Variants in UGT1A6 observed in about 807,000 individuals in gnomAD.
UGT1A6 encodes UDP glucuronosyltransferase family 1 member A6.
A neutral mutation model predicts 44.4 loss-of-function variants in UGT1A6; 32 were observed. The observed-to-expected ratio is 0.72, with a 90% CI of 0.54 to 0.97. The LOEUF is 0.97. Ranked by LOEUF, UGT1A6 falls within the 50% of genes least tolerant of loss-of-function variation. The pLI is 0.00. For synonymous variants in UGT1A6, 238 were observed against 248.5 expected (o/e 0.96, Z 0.40); for missense variants, 685 against 661.9 (o/e 1.03, Z -0.38).
chr2:233,772,436 T>G lies in UGT1A6; in HGVS notation c.1476T>G (p.Gly492=). 6.2e-7 allele frequency: 1 copy of G among 1,614,180 alleles called. No individual in the cohort carries two copies. Among genetic ancestry groups the G allele is most frequent in the Non-Finnish European group, 8.5e-7 (1 of 1,180,036 alleles). Residue 492 remains glycine, a synonymous_variant, in exon 5 of 5, where the codon GGT becomes GGG. Coordinates refer to ENST00000305139, the MANE Select transcript of UGT1A6 (RefSeq NM_001072.4). ...AGTACCATTCCTTGGACGTGATTGGTTTCCTCTTGGCCGTCGTGCTGACAG... is the reference window on the plus strand; with the variant it reads ...AGTACCATTCCTTGGACGTGATTGGGTTCCTCTTGGCCGTCGTGCTGACAG... ...WYQYHSLDVI[G]FLLAVVLTVA...
At chr2:233,759,599 A>ACC (rs1553620419) in intron 1 of UGT1A6, among the ~76,000 whole-genome samples, 7 of 108,662 alleles carry the variant, frequency 6.4e-5, no homozygotes, top group Admixed American at 1.0e-4. Context: ...CCCACCCCCG[A>ACC]CCCGCCCCAC....
Position 233,772,785 on chromosome 2 carries a change from G to C in UGT1A6, c.*226G>C, listed in dbSNP as rs2126067599. ...GTGCCCCCTCTGGTGTCTTTGATCA[G>C]GATGACATGTGCCATTTTTCAGAGG... is the stretch of plus-strand genomic sequence containing the variant. On this transcript the variant is annotated 3_prime_UTR_variant, in exon 5 of 5. Transcript: ENST00000305139. 1 of 1,262,930 alleles carries C rather than the reference G, an allele frequency of 7.9e-7. No homozygotes were observed. The highest frequency in any genetic ancestry group is 1.0e-6 in the Non-Finnish European group (1 of 955,160). 78.2% of individuals were successfully genotyped at this position (1,262,930 alleles called of 1,614,324 possible).
At chr2:233,737,335 G>C (rs558771820) in intron 1 of UGT1A6, among the ~76,000 whole-genome samples, 1 of 152,354 alleles carries the variant, frequency 6.6e-6, no homozygotes, top group African/African-American at 2.4e-5. Context: ...CAGTGAGCAA[G>C]GCTCCGTGGG....
At chr2:233,718,944 C>A (rs553189135) in intron 1 of UGT1A6, 3 of 1,614,178 alleles carry the variant, frequency 1.9e-6, no homozygotes, top group East Asian at 2.2e-5. Context: ...CAGCCCCTGG[C>A]TCAGCATGCG....
chr2:233,768,371 C>T lies in UGT1A6; in HGVS notation c.1233C>T (p.Thr411=). The T allele has an allele frequency of 6.2e-7, 1 of 1,614,074 alleles. No homozygotes were observed. Among genetic ancestry groups the T allele is most frequent in the South Asian group, 1.1e-5 (1 of 91,082 alleles). ...TGGAGACTAAGGGAGCTGGAGTGAC[C>T]CTGAATGTTCTGGAAATGACTTCTG... is the stretch of plus-strand genomic sequence containing the variant. The part of the protein sequence containing the change: ...KRMETKGAGV[T]LNVLEMTSED... Residue 411 remains threonine, a synonymous_variant, in exon 4 of 5, where the codon ACC becomes ACT. Coordinates refer to ENST00000305139, the MANE Select transcript of UGT1A6 (RefSeq NM_001072.4).
Position 233,718,755 on chromosome 2 carries a change from C to T in UGT1A6, c.861+24890C>T, listed in dbSNP as rs372600165. 8.4e-5 allele frequency: 135 copies of T among 1,612,200 alleles called. 1 individual carries two copies. The highest frequency in any genetic ancestry group is 4.7e-4 in the African/African-American group (35 of 74,854). On this transcript the variant is annotated intron_variant, in intron 1 of 4. Coordinates refer to ENST00000305139, the MANE Select transcript of UGT1A6 (RefSeq NM_001072.4). ...TGGCTCAATGACAAGGTAATTAAGGCGAAGGAAACAAATGTAGCAGGCACA... is the reference window on the plus strand; with the variant it reads ...TGGCTCAATGACAAGGTAATTAAGGTGAAGGAAACAAATGTAGCAGGCACA...
rs45470199 is a variant in UGT1A6, at chr2:233,713,204, A to G, written c.861+19339A>G. The G allele has an allele frequency of 2.1e-3, 3,394 of 1,614,240 alleles. 62 individuals are homozygous for G. In the African/African-American group the frequency reaches 0.04, roughly 19 times the overall value. Reference sequence around the variant, plus strand: ...TGGAGGTGAATATGTACATCAAAGAAGAGAACTTTTTCACCCTGACAACGT... The same window carrying G: ...TGGAGGTGAATATGTACATCAAAGAGGAGAACTTTTTCACCCTGACAACGT... On this transcript the variant is annotated intron_variant, in intron 1 of 4. Transcript: ENST00000305139.
chr2:233,766,431 T>C (rs2126025401), intron 1 of UGT1A6, among the ~76,000 whole-genome samples: 1 of 152,314 alleles, frequency 6.6e-6, no homozygotes, highest in Middle Eastern at 3.4e-3. Context: ...GATGTCCAGC[T>C]ACCTGTGTGT....
intron 1 of UGT1A6, among the ~76,000 whole-genome samples, chr2:233,720,449 T>C (rs1240396680): frequency 6.6e-6 from 1 of 152,106 alleles, no homozygotes; most frequent in East Asian, 1.9e-4. Context: ...ATAAGCCCAG[T>C]GAAGCTGGGA....
At chr2:233,703,011 C>T (rs1035820538) in intron 1 of UGT1A6, among the ~76,000 whole-genome samples, 5 of 152,184 alleles carry the variant, frequency 3.3e-5, no homozygotes, top group African/African-American at 1.2e-4. Context: ...TGGGAACAGT[C>T]TGTCAAGAAT....
chr2:233,741,733 T>C (rs968212915), intron 1 of UGT1A6: 2 of 151,882 alleles, frequency 1.3e-5, no homozygotes, highest in African/African-American at 4.9e-5. Flanking sequence ...TCCAAACCCA[T>C]ATCACACTCT....
upstream of UGT1A6, chr2:233,692,179 T>C (rs990678546): frequency 1.3e-5 from 2 of 152,300 alleles, no homozygotes; most frequent in African/African-American, 4.8e-5. Context: ...TCAGAGAGCT[T>C]TCAGGTTGCT....
chr2:233,760,469 C>A (rs1273237448), intron 1 of UGT1A6: 1 of 1,614,210 alleles, frequency 6.2e-7, no homozygotes, highest in South Asian at 1.1e-5. Context: ...GTTGTCCTAG[C>A]ACCTGACGCC....
Position 233,744,040 on chromosome 2 carries a change from C to A in UGT1A6, c.862-22994C>A. 9 of 766,390 alleles carry A rather than the reference C, an allele frequency of 1.2e-5. No individual in the cohort carries two copies. In the South Asian group the frequency reaches 1.4e-4, roughly 12 times the overall value. 47.5% of individuals were successfully genotyped at this position (766,390 alleles called of 1,614,324 possible). On this transcript the variant is annotated intron_variant, in intron 1 of 4. Transcript: ENST00000305139. ...TGGAGAGACGCCCCTTATGACGCAG[C>A]CACATCTCATTGGTCGAGGCCTATG...
intron 1 of UGT1A6, among the ~76,000 whole-genome samples, chr2:233,696,065 A>C (rs189342937): frequency 1.3e-5 from 2 of 152,234 alleles, no homozygotes; most frequent in African/African-American, 4.8e-5. Flanking sequence ...TAGTACAGCC[A>C]CTATGAAGAA....
chr2:233,740,214 A>G (rs2018985), intron 1 of UGT1A6, among the ~76,000 whole-genome samples: 70,303 of 151,600 alleles, frequency 0.46, 18,208 homozygotes, highest in African/African-American at 0.69. Flanking sequence ...ACCCAGTCTC[A>G]GCTGCGTCTT....
chr2:233,761,081 C>A, intron 1 of UGT1A6: 2 of 1,614,180 alleles, frequency 1.2e-6, no homozygotes, highest in Non-Finnish European at 1.7e-6. Context: ...AAGGATTACC[C>A]TAGGCCCATC....
At chr2:233,735,445 G>C (rs1440470115) in intron 1 of UGT1A6, among the ~76,000 whole-genome samples, 1 of 152,036 alleles carries the variant, frequency 6.6e-6, no homozygotes, top group Non-Finnish European at 1.5e-5. Flanking sequence ...GCATACCGAT[G>C]GGCCTTGACT....
chr2:233,738,464 T>C (rs1182388871), intron 1 of UGT1A6, among the ~76,000 whole-genome samples: 1 of 152,210 alleles, frequency 6.6e-6, no homozygotes, highest in Non-Finnish European at 1.5e-5. Flanking sequence ...GTGGGAAAGT[T>C]TGGAACTTCC....
Sources: allele counts gnomAD v4.1 joint callset (sites outside exome capture counted in the v4.1 genomes callset), GRCh38; gene constraint gnomAD v4.1.1; transcripts MANE v1.5; gene names NCBI Gene and HGNC (gene_info 2026-07-23, HGNC 2026-07-21).